The following MACROD2 variants were observed in gnomAD, a reference collection of about 807,000 sequenced individuals.
MACROD2 encodes ADP-ribose glycohydrolase MACROD2.
In MACROD2, 36 loss-of-function variants were observed where a neutral mutation model predicts 70.4. The observed-to-expected ratio is 0.51, with a 90% confidence interval of 0.39 to 0.68. The LOEUF is 0.68. Among genes scored for constraint, MACROD2 ranks in the 30% least tolerant of loss-of-function variants. The probability of loss-of-function intolerance (pLI) is 0.00; values close to 1 mark genes in which losing one functional copy is unlikely to be tolerated. For synonymous variants in MACROD2, 172 were observed against 178.8 expected (o/e 0.96, Z 0.30); for missense variants, 496 against 538.4 (o/e 0.92, Z 0.78).
Position 14,036,002 on chromosome 20 carries a change from CGTGGTGGCGG to C in MACROD2, c.163+33602_163+33611del, listed in dbSNP as rs560705739. Among the ~76,000 whole-genome samples, 1,248 of 152,194 alleles carry C rather than the reference CGTGGTGGCGG, an allele frequency of 8.2e-3. 13 individuals are homozygous for C. Among genetic ancestry groups the C allele is most frequent in the African/African-American group, 0.029 (1,190 of 41,508 alleles). On this transcript the variant is annotated intron_variant, in intron 2 of 17. Coordinates refer to ENST00000684519, the MANE Select transcript of MACROD2 (RefSeq NM_001351661.2). ...CTAAAAATACAAAAAATTAGCCAGG[CGTGGTGGCGG>C]GTGCCTGTAGTCCCAGCTAGTCTGG...
intron 8 of MACROD2, among the ~76,000 whole-genome samples, chr20:15,509,687 C>A (rs1272649370): frequency 6.6e-6 from 1 of 152,146 alleles, no homozygotes; most frequent in African/African-American, 2.4e-5. Context: ...TACCCTCACT[C>A]CAAAGAGGAA....
intron 3 of MACROD2, among the ~76,000 whole-genome samples, chr20:14,149,120 C>A (rs2054980269): frequency 6.6e-6 from 1 of 151,720 alleles, no homozygotes; most frequent in Admixed American, 6.6e-5. Context: ...CAACCTTGTC[C>A]CTTCCCAACC....
At chr20:15,663,866 A>T (rs1216471723) in intron 8 of MACROD2, among the ~76,000 whole-genome samples, 1 of 152,162 alleles carries the variant, frequency 6.6e-6, no homozygotes, top group East Asian at 1.9e-4. Context: ...ACCAACTGCA[A>T]AAACAGAAGT....
intron 6 of MACROD2, among the ~76,000 whole-genome samples, chr20:15,332,959 T>C (rs555980220): frequency 6.6e-6 from 1 of 151,760 alleles, no homozygotes; most frequent in African/African-American, 2.4e-5. Flanking sequence ...CTTGGCACCA[T>C]TTCTGTTAGT....
intron 8 of MACROD2, among the ~76,000 whole-genome samples, chr20:15,809,598 T>A (rs922760041): frequency 6.6e-6 from 1 of 152,194 alleles, no homozygotes; most frequent in Non-Finnish European, 1.5e-5. Flanking sequence ...TCACAGGAAC[T>A]AATGGAGTGA....
intron 4 of MACROD2, among the ~76,000 whole-genome samples, chr20:14,541,521 A>C (rs755877053): frequency 6.6e-6 from 1 of 152,056 alleles, no homozygotes; most frequent in Non-Finnish European, 1.5e-5. Context: ...AACTCTATAA[A>C]ACTGGGTTTT....
intron 4 of MACROD2, among the ~76,000 whole-genome samples, chr20:14,581,840 G>A (rs1981042371): frequency 6.6e-6 from 1 of 152,112 alleles, no homozygotes; most frequent in Non-Finnish European, 1.5e-5. Flanking sequence ...CTGCTCTTGG[G>A]AGTCAGGTAG....
chr20:14,317,962 A>G (rs2082627493), intron 3 of MACROD2, among the ~76,000 whole-genome samples: 2 of 152,204 alleles, frequency 1.3e-5, no homozygotes, highest in Admixed American at 6.5e-5. Flanking sequence ...AGCCCACTGT[A>G]TGTGTAAGAC....
intron 8 of MACROD2, among the ~76,000 whole-genome samples, chr20:15,510,199 T>A (rs1177142969): frequency 2.6e-5 from 4 of 152,188 alleles, no homozygotes; most frequent in African/African-American, 9.7e-5. Context: ...GATGTGACAT[T>A]TTTATAAATA....
chr20:15,430,605 T>C (rs2046352546), intron 6 of MACROD2, among the ~76,000 whole-genome samples: 1 of 152,004 alleles, frequency 6.6e-6, no homozygotes, highest in Non-Finnish European at 1.5e-5. Flanking sequence ...GTCAATTCAT[T>C]TTTTTCAATC....
rs1453703448 is a variant in MACROD2, at chr20:14,682,997, A to G, written c.302-1846A>G. 2.6e-5 allele frequency among the ~76,000 whole-genome samples: 4 copies of G among 152,084 alleles called. 1 individual carries two copies. The highest frequency in any genetic ancestry group is 5.9e-5 in the Non-Finnish European group (4 of 68,016). On this transcript the variant is annotated intron_variant, in intron 4 of 17. Coordinates refer to ENST00000684519, the MANE Select transcript of MACROD2 (RefSeq NM_001351661.2). Reference sequence around the variant, plus strand: ...TAGGTTCAAGCAATTCTCCTGCCTCAGCCTCCTGAGTAGCCAGGATTACAG... The same window carrying G: ...TAGGTTCAAGCAATTCTCCTGCCTCGGCCTCCTGAGTAGCCAGGATTACAG...
At chr20:14,302,944 G>T (rs960515452) in intron 3 of MACROD2, among the ~76,000 whole-genome samples, 5 of 152,096 alleles carry the variant, frequency 3.3e-5, no homozygotes, top group Admixed American at 3.3e-4. Flanking sequence ...GAGCCACCGT[G>T]CCTGGCCGGA....
At chr20:14,954,709 T>TAAATATAG (rs1309326495) in intron 5 of MACROD2, among the ~76,000 whole-genome samples, 1 of 27,330 alleles carries the variant, frequency 3.7e-5, no homozygotes, top group Non-Finnish European at 1.0e-4. Context: ...AAATAAATTA[T>TAAATATAG]AAATATATAA....
rs543075549 is a variant in MACROD2, at chr20:15,348,726, C to T, written c.541-82679C>T. 9.2e-5 allele frequency among the ~76,000 whole-genome samples: 14 copies of T among 152,166 alleles called. No individual in the cohort carries two copies. In the East Asian group the frequency reaches 9.7e-4, roughly 10 times the overall value. ...TCCCTTTTATAAAACCATAAGATCTCGTGAGACTTATTCATTATCACGAGA... is the reference window on the plus strand; with the variant it reads ...TCCCTTTTATAAAACCATAAGATCTTGTGAGACTTATTCATTATCACGAGA... On this transcript the variant is annotated intron_variant, in intron 6 of 17. Coordinates refer to ENST00000684519, the MANE Select transcript of MACROD2 (RefSeq NM_001351661.2).
intron 5 of MACROD2, among the ~76,000 whole-genome samples, chr20:14,973,510 A>C (rs1045149974): frequency 6.6e-6 from 1 of 152,148 alleles, no homozygotes; most frequent in African/African-American, 2.4e-5. Flanking sequence ...GGCATGAGCC[A>C]CCGCACCTGG....
chr20:14,505,525 T>C (rs1386724501), intron 4 of MACROD2, among the ~76,000 whole-genome samples: 1 of 152,218 alleles, frequency 6.6e-6, no homozygotes, highest in African/African-American at 2.4e-5. Context: ...CTCTTTTCCC[T>C]TGAACAGGGA....
At chr20:14,207,441 A>G (rs1204065798) in intron 3 of MACROD2, among the ~76,000 whole-genome samples, 1 of 152,196 alleles carries the variant, frequency 6.6e-6, no homozygotes, top group Non-Finnish European at 1.5e-5. Context: ...AATAAAAGGA[A>G]AGTGACATAC....
chr20:15,742,072 CTT>C (rs1204945963), intron 8 of MACROD2, among the ~76,000 whole-genome samples: 1 of 152,094 alleles, frequency 6.6e-6, no homozygotes. Context: ...TAATTTGACA[CTT>C]TGGTAAGGAA....
chr20:15,159,415 A>G (rs555728205), intron 5 of MACROD2, among the ~76,000 whole-genome samples: 6 of 152,084 alleles, frequency 3.9e-5, no homozygotes, highest in Non-Finnish European at 5.9e-5. Context: ...GGAATTTTCT[A>G]TCTTGGTTTT....
Sources: gnomAD v4.1 joint callset for allele counts (sites outside exome capture counted in the v4.1 genomes callset) on GRCh38, gnomAD v4.1.1 for gene constraint, MANE v1.5 for transcripts, NCBI Gene and HGNC (gene_info 2026-07-23, HGNC 2026-07-21) for gene names.